DSCAM: variants seen among roughly 807,000 people sequenced by gnomAD.
The protein encoded by DSCAM is cell adhesion molecule DSCAM.
Under a neutral mutation model 217.7 loss-of-function variants are expected in DSCAM, and 47 were observed. That is an observed-to-expected ratio of 0.22 (90% CI 0.17 to 0.28). The LOEUF is 0.28. Ranked by LOEUF, DSCAM falls within the 10% of genes least tolerant of loss-of-function variation. DSCAM has a pLI of 1.00. For missense variants in DSCAM, 2,080 were observed against 2,618.3 expected, an observed-to-expected ratio of 0.79 and a Z score of 4.49; for synonymous variants, 1,056 against 1,015.3, an observed-to-expected ratio of 1.04 and a Z score of -0.76.
chr21:40,292,803 C>T (rs1425499810), intron 10 of DSCAM, among the ~76,000 whole-genome samples: 4 of 151,744 alleles, frequency 2.6e-5, no homozygotes, highest in Admixed American at 1.3e-4. Context: ...AGTGCAGTGG[C>T]GTGATCTCAG....
intron 3 of DSCAM, among the ~76,000 whole-genome samples, chr21:40,388,112 A>G (rs2075102946): frequency 6.8e-6 from 1 of 146,326 alleles, no homozygotes; most frequent in African/African-American, 2.6e-5. Flanking sequence ...TTGGGAAAAC[A>G]ATTTGGAAAT....
At chr21:40,578,453 TCAGCACTCTGTAAAAC>T in intron 3 of DSCAM, among the ~76,000 whole-genome samples, 1 of 151,654 alleles carries the variant, frequency 6.6e-6, no homozygotes, top group Non-Finnish European at 1.5e-5. Flanking sequence ...AACAGACCAA[TCAGCACTCTGTAAAAC>T]GGACCAATCA....
chr21:40,667,976 C>T (rs1416423939), intron 3 of DSCAM, among the ~76,000 whole-genome samples: 2 of 152,264 alleles, frequency 1.3e-5, no homozygotes, highest in South Asian at 4.2e-4. Flanking sequence ...AAACTTATTT[C>T]CCCAGTACCT....
intron 1 of DSCAM, among the ~76,000 whole-genome samples, chr21:40,768,404 A>G (rs746309328): frequency 2.7e-5 from 4 of 150,620 alleles, no homozygotes; most frequent in Non-Finnish European, 3.0e-5. Context: ...TGCTAATCCA[A>G]GTTTCCAAGT....
At chr21:40,285,811 T>G (rs536147656) in intron 10 of DSCAM, among the ~76,000 whole-genome samples, 8 of 152,192 alleles carry the variant, frequency 5.3e-5, no homozygotes, top group African/African-American at 1.9e-4. Flanking sequence ...TTCTCGTTTT[T>G]GGATTATTTG....
intron 1 of DSCAM, among the ~76,000 whole-genome samples, chr21:40,743,716 G>A (rs563492793): frequency 1.3e-5 from 2 of 152,258 alleles, no homozygotes; most frequent in African/African-American, 4.8e-5. Context: ...CAGTTCTCAG[G>A]ATCTTTCACA....
chr21:40,137,977 A>C (rs1327458759), intron 18 of DSCAM, among the ~76,000 whole-genome samples: 2 of 152,220 alleles, frequency 1.3e-5, no homozygotes, highest in African/African-American at 2.4e-5. Context: ...TTTTCAAAGG[A>C]TACAACTTTC....
chr21:40,317,117 T>A (rs532963982), intron 8 of DSCAM, among the ~76,000 whole-genome samples: 2 of 152,378 alleles, frequency 1.3e-5, no homozygotes, highest in Non-Finnish European at 2.9e-5. Flanking sequence ...GCCACAGGGC[T>A]ATTTACTGTC....
At position 40,182,226 on chromosome 21, in the gene DSCAM, G is replaced by A. The variant is rs190153618; in HGVS notation, c.2780-3132C>T. Among the ~76,000 whole-genome samples the A allele has an allele frequency of 3.0e-3, 452 of 152,222 alleles. 2 individuals carry two copies. The highest frequency in any genetic ancestry group is 0.01 in the Middle Eastern group (3 of 294). On this transcript the variant is annotated intron_variant, in intron 14 of 32. Transcript: ENST00000400454. The stretch of plus-strand genomic sequence containing the variant: ...TGGAGAGGTAGCTGGGAGAGGGAGC[G>A]GGCCCTTCATGTTGGTGAATAGGAG...
At chr21:40,533,619 ATCCATCCAACCCTCCATCCATCTG>A (rs2076470468) in intron 3 of DSCAM, among the ~76,000 whole-genome samples, 1 of 149,984 alleles carries the variant, frequency 6.7e-6, no homozygotes, top group African/African-American at 2.5e-5. Context: ...CCATCCATCC[ATCCATCCAACCCTCCATCCATCTG>A]TCCATCCATC....
chr21:40,428,725 G>A lies in DSCAM; in HGVS notation c.509-59480C>T, dbSNP rs142355440. ...AGAGCAAATATCCATATTTAGTGTC[G>A]TGGGGCTGTGTGTTTCAGCTGGCCG... On this transcript the variant is annotated intron_variant, in intron 3 of 32. Coordinates refer to ENST00000400454, the MANE Select transcript of DSCAM (RefSeq NM_001389.5). Among the ~76,000 whole-genome samples, 546 of 152,084 alleles carry A rather than the reference G, an allele frequency of 3.6e-3. 2 individuals carry two copies. Among genetic ancestry groups the A allele is most frequent in the Non-Finnish European group, 6.1e-3 (418 of 68,006 alleles).
rs374266401 is a variant in DSCAM, at chr21:40,823,874, T to A, written c.43+22745A>T. ...TGCTGTGATAAAATTATAGAATAAT[T>A]CTCATCAGGTGTTATAAAATCCCTG... On this transcript the variant is annotated intron_variant, in intron 1 of 32. Transcript: ENST00000400454. Among the ~76,000 whole-genome samples the A allele has an allele frequency of 3.3e-5, 5 of 152,132 alleles. No homozygotes were observed. In the South Asian group the frequency reaches 1.0e-3, roughly 32 times the overall value.
chr21:40,079,929 A>G (rs1232220836), intron 25 of DSCAM, among the ~76,000 whole-genome samples: 1 of 152,036 alleles, frequency 6.6e-6, no homozygotes, highest in Non-Finnish European at 1.5e-5. Flanking sequence ...TCAAACTGAC[A>G]TTCTTCTTTT....
At chr21:40,313,982 C>T (rs534867873) in intron 8 of DSCAM, among the ~76,000 whole-genome samples, 3 of 152,184 alleles carry the variant, frequency 2.0e-5, no homozygotes, top group South Asian at 2.1e-4. Flanking sequence ...GTAAGGGATC[C>T]GGCTGAGAAA....
intron 3 of DSCAM, among the ~76,000 whole-genome samples, chr21:40,626,014 A>G (rs1219039830): frequency 6.6e-6 from 1 of 152,158 alleles, no homozygotes; most frequent in Non-Finnish European, 1.5e-5. Flanking sequence ...GACTTTACAC[A>G]ATTTCTGATA....
chr21:40,237,350 G>T (rs1409120709), intron 11 of DSCAM, among the ~76,000 whole-genome samples: 3 of 152,066 alleles, frequency 2.0e-5, no homozygotes, highest in Non-Finnish European at 4.4e-5. Context: ...ATCTCCTAAT[G>T]CTATCCCTCC....
At chr21:40,839,037 T>C (rs1031031116) in intron 1 of DSCAM, among the ~76,000 whole-genome samples, 6 of 152,174 alleles carry the variant, frequency 3.9e-5, no homozygotes, top group African/African-American at 1.4e-4. Context: ...TTAAGGAACC[T>C]GGGGGACATT....
chr21:40,760,925 A>G (rs1029045551), intron 1 of DSCAM, among the ~76,000 whole-genome samples: 1 of 152,208 alleles, frequency 6.6e-6, no homozygotes, highest in African/African-American at 2.4e-5. Flanking sequence ...TAGTGTGTGC[A>G]TGTGACACTG....
At chr21:40,587,083 C>T (rs2076952116) in intron 3 of DSCAM, among the ~76,000 whole-genome samples, 1 of 128,672 alleles carries the variant, frequency 7.8e-6, no homozygotes, top group Admixed American at 8.7e-5. Flanking sequence ...ATCTTGTGAT[C>T]AACAAACATA....
Sources: gnomAD v4.1 joint callset for allele counts (sites outside exome capture counted in the v4.1 genomes callset) on GRCh38, gnomAD v4.1.1 for gene constraint, MANE v1.5 for transcripts, NCBI Gene and HGNC (gene_info 2026-07-23, HGNC 2026-07-21) for gene names.